APBB2: variants seen among roughly 807,000 people sequenced by gnomAD.
The protein encoded by APBB2 is amyloid beta precursor protein binding family B member 2, also known as Fe65-like 1.
A neutral mutation model predicts 82.5 loss-of-function variants in APBB2; 38 were observed. That is an observed-to-expected ratio of 0.46 (90% CI 0.36 to 0.60). The LOEUF is 0.60. APBB2 is among the 20% of genes least tolerant of loss of function. The pLI, the probability that APBB2 is intolerant of heterozygous loss-of-function variation, is 0.00. For synonymous variants in APBB2, 341 were observed against 368.2 expected, an observed-to-expected ratio of 0.93 and a Z score of 0.85; for missense variants, 772 against 972.3, an observed-to-expected ratio of 0.79 and a Z score of 2.74.
intron 10 of APBB2, 66 bp downstream of exon 10, chr4:40,934,390 A>G: frequency 6.7e-7 from 1 of 1,484,328 alleles, no homozygotes; most frequent in Non-Finnish European, 9.4e-7. Flanking sequence ...AAACTGGACA[A>G]TGATCCAAAG....
chr4:40,939,055 G>A (rs1208089354), intron 7 of APBB2, among the ~76,000 whole-genome samples: 1 of 152,144 alleles, frequency 6.6e-6, no homozygotes, highest in Non-Finnish European at 1.5e-5. Context: ...CACCCACTCA[G>A]GGCTCTGCAG....
chr4:40,971,539 T>C (rs1338357363), intron 6 of APBB2, among the ~76,000 whole-genome samples: 4 of 152,206 alleles, frequency 2.6e-5, no homozygotes, highest in Non-Finnish European at 5.9e-5. Context: ...TCTTTAAATT[T>C]TCCCATTCTG....
At chr4:41,036,716 C>A (rs1373700903) in intron 4 of APBB2, among the ~76,000 whole-genome samples, 1 of 152,130 alleles carries the variant, frequency 6.6e-6, no homozygotes, top group Non-Finnish European at 1.5e-5. Context: ...AATTTGAGGA[C>A]CAACTAGGAT....
At chr4:41,051,311 G>C (rs1043590995) in intron 4 of APBB2, among the ~76,000 whole-genome samples, 1 of 152,214 alleles carries the variant, frequency 6.6e-6, no homozygotes, top group African/African-American at 2.4e-5. Flanking sequence ...CAACATGTGA[G>C]CTTGGCAGAC....
In APBB2 at chr4:41,001,885, AAAAAAG is replaced by A. The variant is rs1553903802; in HGVS notation, c.835+11692_835+11697del. Among the ~76,000 whole-genome samples the A allele has an allele frequency of 9.9e-4, 150 of 152,074 alleles. No individual in the cohort carries two copies. In the Middle Eastern group the frequency reaches 0.01, roughly 10 times the overall value. ...AGAGTGAGACTCCGCCTCAAAAAAA[AAAAAAG>A]AAAAAGAAAAAGAAAAAGACAAAAG... On this transcript the variant is annotated intron_variant, in intron 6 of 17. Coordinates refer to ENST00000508593, the MANE Select transcript of APBB2 (RefSeq NM_004307.2).
At chr4:40,960,509 G>A (rs1166350674) in intron 6 of APBB2, among the ~76,000 whole-genome samples, 3 of 142,466 alleles carry the variant, frequency 2.1e-5, no homozygotes, top group African/African-American at 7.8e-5. Flanking sequence ...GTGCAGTGGT[G>A]TGATCTCGGC....
Position 41,016,759 on chromosome 4 carries a change from G to A in APBB2, c.20-2361C>T, listed in dbSNP as rs190249283. ...ACTCTTCTGCTTGCTAGAAATAATGGAGGGCAGGCAGGAGGGGTAAGAGGC... is the reference window on the plus strand; with the variant it reads ...ACTCTTCTGCTTGCTAGAAATAATGAAGGGCAGGCAGGAGGGGTAAGAGGC... On this transcript the variant is annotated intron_variant, in intron 5 of 17. Transcript: ENST00000508593. Among the ~76,000 whole-genome samples the A allele has an allele frequency of 1.3e-4, 19 of 151,904 alleles. No individual in the cohort carries two copies. In the East Asian group the frequency reaches 3.7e-3, roughly 29 times the overall value.
intron 4 of APBB2, among the ~76,000 whole-genome samples, chr4:41,047,451 C>T (rs1374503472): frequency 1.3e-5 from 2 of 152,268 alleles, no homozygotes; most frequent in Non-Finnish European, 2.9e-5. Context: ...CCAAAGCCCA[C>T]AGGGATAGGG....
chr4:40,960,222 G>GT (rs1209631977), intron 6 of APBB2, among the ~76,000 whole-genome samples: 2 of 152,006 alleles, frequency 1.3e-5, no homozygotes, highest in African/African-American at 4.8e-5. Context: ...AGGGATCAGA[G>GT]TAAAAGCTTC....
At chr4:40,901,909 A>ATGTG (rs35766512) in intron 10 of APBB2, among the ~76,000 whole-genome samples, 6,517 of 145,494 alleles carry the variant, frequency 0.045, 164 homozygotes, top group Middle Eastern at 0.096. Context: ...ATCCAAAATT[A>ATGTG]TGTGTGTGTG....
At chr4:41,017,069 G>T (rs902195340) in intron 5 of APBB2, among the ~76,000 whole-genome samples, 5 of 151,834 alleles carry the variant, frequency 3.3e-5, no homozygotes, top group Admixed American at 2.6e-4. Flanking sequence ...CTAATTTTTT[G>T]ACTTTTTGTA....
chr4:41,151,002 C>G (rs1273744733), intron 1 of APBB2, among the ~76,000 whole-genome samples: 2 of 152,116 alleles, frequency 1.3e-5, no homozygotes, highest in Non-Finnish European at 2.9e-5. Flanking sequence ...CCTCTCAAAG[C>G]GCTGGCCCAG....
intron 12 of APBB2, among the ~76,000 whole-genome samples, chr4:40,862,371 A>G (rs772907412): frequency 2.0e-5 from 3 of 152,236 alleles, no homozygotes; most frequent in Non-Finnish European, 4.4e-5. Flanking sequence ...CAAAGATAAA[A>G]GCAGCTCTGA....
chr4:40,999,504 A>T (rs1177149413), intron 6 of APBB2, among the ~76,000 whole-genome samples: 2 of 152,232 alleles, frequency 1.3e-5, no homozygotes, highest in Admixed American at 6.5e-5. Flanking sequence ...CTAGGCACTA[A>T]GGATATGGCA....
At chr4:40,975,759 C>A (rs904091438) in intron 6 of APBB2, among the ~76,000 whole-genome samples, 4 of 148,152 alleles carry the variant, frequency 2.7e-5, no homozygotes, top group African/African-American at 1.0e-4. Context: ...AGAAAACACA[C>A]ACACACACAC....
chr4:41,112,825 T>A (rs527489399), intron 2 of APBB2, among the ~76,000 whole-genome samples: 4 of 151,960 alleles, frequency 2.6e-5, no homozygotes, highest in Non-Finnish European at 4.4e-5. Flanking sequence ...CCATCTGTAC[T>A]AAAAATGCAA....
At chr4:40,932,792 C>T (rs536832468) in intron 10 of APBB2, among the ~76,000 whole-genome samples, 2 of 152,312 alleles carry the variant, frequency 1.3e-5, no homozygotes, top group African/African-American at 2.4e-5. Flanking sequence ...AGGGGGAAGA[C>T]GCTACAAACA....
intron 6 of APBB2, among the ~76,000 whole-genome samples, chr4:40,992,361 T>TCGGG (rs1553899618): frequency 2.4e-4 from 34 of 139,402 alleles, no homozygotes; most frequent in African/African-American, 7.3e-4. Flanking sequence ...TTGGTAGAGA[T>TCGGG]GGGGGGGGGT....
intron 1 of APBB2, among the ~76,000 whole-genome samples, chr4:41,151,438 A>G (rs1252365381): frequency 1.3e-5 from 2 of 152,326 alleles, no homozygotes; most frequent in African/African-American, 4.8e-5. Flanking sequence ...ATTTTAATTA[A>G]TGAGATTTAT....
Sources: gnomAD v4.1 joint callset for allele counts (sites outside exome capture counted in the v4.1 genomes callset) on GRCh38, gnomAD v4.1.1 for gene constraint, MANE v1.5 for transcripts, NCBI Gene and HGNC (gene_info 2026-07-23, HGNC 2026-07-21) for gene names.